Variants in FGD6 observed in about 807,000 individuals in gnomAD.
The protein encoded by FGD6 is FYVE, RhoGEF and PH domain-containing protein 6.
In FGD6, 90 loss-of-function variants were observed where a neutral mutation model predicts 149.4. The observed-to-expected ratio is 0.60, with a 90% confidence interval of 0.51 to 0.72. The LOEUF (loss-of-function observed/expected upper bound fraction) is 0.72, where lower values mean the gene tolerates loss of function less well. Ranked by LOEUF, FGD6 falls within the 30% of genes least tolerant of loss-of-function variation. FGD6 has a pLI of 0.00. For missense variants in FGD6, 1,437 were observed against 1,684.8 expected (o/e 0.85, Z 2.57); for synonymous variants, 527 against 584.0 (o/e 0.90, Z 1.41).
At chr12:95,088,106 G>T (rs1311471622) in intron 18 of FGD6, among the ~76,000 whole-genome samples, 1 of 152,124 alleles carries the variant, frequency 6.6e-6, no homozygotes, top group Non-Finnish European at 1.5e-5. Flanking sequence ...CACACAAGAA[G>T]ATCAACCATA....
At chr12:95,090,088 A>G (rs997034116) in intron 17 of FGD6, among the ~76,000 whole-genome samples, 1 of 152,116 alleles carries the variant, frequency 6.6e-6, no homozygotes, top group Non-Finnish European at 1.5e-5. Flanking sequence ...GGGCTATCGG[A>G]CACGGATGAA....
chr12:95,092,151 A>C (rs987361013), intron 16 of FGD6, among the ~76,000 whole-genome samples: 1 of 152,220 alleles, frequency 6.6e-6, no homozygotes, highest in Non-Finnish European at 1.5e-5. Flanking sequence ...TCATCATCAT[A>C]ATCACTGCTG....
Position 95,217,319 on chromosome 12 carries a change from G to A in FGD6, c.-79C>T, listed in dbSNP as rs2056839535. On this transcript the variant is annotated 5_prime_UTR_variant, in exon 1 of 21. Coordinates refer to ENST00000343958, the MANE Select transcript of FGD6 (RefSeq NM_018351.4). The stretch of plus-strand genomic sequence containing the variant: ...TTCAGTCCATTGTTCCCACAGTTCG[G>A]GTAGGAGAGAAAAGCCCCCGCAGCG... 1 of 1,508,900 alleles carries A rather than the reference G, an allele frequency of 6.6e-7. No individual in the cohort carries two copies. Among genetic ancestry groups the A allele is most frequent in the Non-Finnish European group, 8.9e-7 (1 of 1,121,576 alleles). 93.5% of individuals were successfully genotyped at this position (1,508,900 alleles called of 1,614,324 possible). A position where few individuals can be genotyped will look rare whatever the true frequency, so the allele number is the denominator to read the frequency against.
At chr12:95,116,691 C>G (rs1025214950) in intron 8 of FGD6, 12 of 379,814 alleles carry the variant, frequency 3.2e-5, no homozygotes, top group Non-Finnish European at 6.3e-5. Flanking sequence ...GGTTTACCCT[C>G]CTTGCCAATT....
intron 5 of FGD6, among the ~76,000 whole-genome samples, chr12:95,142,564 C>T (rs573795860): frequency 1.3e-5 from 2 of 152,328 alleles, no homozygotes; most frequent in African/African-American, 2.4e-5. Flanking sequence ...AGGCATGAGC[C>T]ACCGTGCCTG....
At chr12:95,139,234 G>C (rs986326995) in intron 6 of FGD6, among the ~76,000 whole-genome samples, 5 of 152,074 alleles carry the variant, frequency 3.3e-5, no homozygotes, top group African/African-American at 1.2e-4. Flanking sequence ...GAGCCCAGGA[G>C]CACAAGACCA....
chr12:95,189,653 G>T (rs1177941184), intron 2 of FGD6: 1 of 124,098 alleles, frequency 8.1e-6, no homozygotes, highest in Non-Finnish European at 1.7e-5. Flanking sequence ...TGTTTCATAG[G>T]AAAAAAAAAA....
chr12:95,107,435 G>A (rs1878666409), intron 12 of FGD6, 128 bp downstream of exon 12: 10 of 755,154 alleles, frequency 1.3e-5, no homozygotes, highest in South Asian at 7.0e-5. Context: ...TAAGTGGTAC[G>A]GCCAGTTCAA....
chr12:95,148,726 T>A (rs1397373453), intron 5 of FGD6, among the ~76,000 whole-genome samples: 1 of 85,688 alleles, frequency 1.2e-5, no homozygotes, highest in Non-Finnish European at 2.0e-5. Context: ...TATGTTATAT[T>A]ACATATATTA....
chr12:95,087,015 T>G (rs1355127161), intron 18 of FGD6, among the ~76,000 whole-genome samples: 1 of 151,656 alleles, frequency 6.6e-6, no homozygotes, highest in Admixed American at 6.6e-5. Context: ...GTCCAGCTAA[T>G]TTTTGTATTT....
chr12:95,102,975 C>T (rs1425403661), intron 14 of FGD6, among the ~76,000 whole-genome samples: 1 of 152,122 alleles, frequency 6.6e-6, no homozygotes, highest in African/African-American at 2.4e-5. Context: ...GAAACATGAG[C>T]ACTGTGACTG....
chr12:95,203,708 A>T (rs1240957511), intron 2 of FGD6, among the ~76,000 whole-genome samples: 1 of 152,196 alleles, frequency 6.6e-6, no homozygotes, highest in African/African-American at 2.4e-5. Flanking sequence ...AGGGTTTGCT[A>T]AGTTGCCTAG....
chr12:95,205,267 C>CA (rs398055845), intron 2 of FGD6, among the ~76,000 whole-genome samples: 66,612 of 142,304 alleles, frequency 0.47, 15,111 homozygotes, highest in East Asian at 0.58. Context: ...GACTCTGTCT[C>CA]AAAAAAAAAA....
chr12:95,167,773 C>T (rs888376425), intron 3 of FGD6, among the ~76,000 whole-genome samples: 3 of 151,990 alleles, frequency 2.0e-5, no homozygotes, highest in African/African-American at 4.8e-5. Context: ...TGGGATTTCA[C>T]CATGTTGGCC....
At chr12:95,217,003 A>G (rs1191188507) in intron 1 of FGD6, among the ~76,000 whole-genome samples, 1 of 152,192 alleles carries the variant, frequency 6.6e-6, no homozygotes, top group Non-Finnish European at 1.5e-5. Context: ...TCCCCCTTGG[A>G]AGGGAGATCC....
chr12:95,129,311 G>GCATGCATC (rs1879446972), intron 8 of FGD6, among the ~76,000 whole-genome samples: 1 of 105,358 alleles, frequency 9.5e-6, no homozygotes, highest in Non-Finnish European at 2.0e-5. Context: ...ATGCATGCAT[G>GCATGCATC]CATCCATCCA....
At position 95,186,225 on chromosome 12, in the gene FGD6, C is replaced by CTTTTTTTTTTTTTTTTTTTT. The variant is rs1881428152; in HGVS notation, c.2442-13482_2442-13481insAAAAAAAAAAAAAAAAAAAA. 8.4e-5 allele frequency among the ~76,000 whole-genome samples: 6 copies of CTTTTTTTTTTTTTTTTTTTT among 71,186 alleles called. 3 individuals are homozygous for CTTTTTTTTTTTTTTTTTTTT. The East Asian group carries it at 1.9e-3, about 23-fold the overall frequency. 46.7% of individuals were successfully genotyped at this position (71,186 alleles called of 152,430 possible). On this transcript the variant is annotated intron_variant, in intron 2 of 20. Coordinates refer to ENST00000343958, the MANE Select transcript of FGD6 (RefSeq NM_018351.4). ...AGCTAAGAATGCTTCTTATATTCTT[C>CTTTTTTTTTTTTTTTTTTTT]TTCTTTTTTTTTTTTTTTTTTTTTT...
intron 2 of FGD6, among the ~76,000 whole-genome samples, chr12:95,175,799 C>CAAAAAAAAAAAAAAAAAAAAAAA (rs61051041): frequency 2.6e-5 from 1 of 38,912 alleles, no homozygotes; most frequent in Admixed American, 3.1e-4. Context: ...GACTCTGTCT[C>CAAAAAAAAAAAAAAAAAAAAAAA]AAAAAAAAAA....
chr12:95,156,421 C>G (rs182993782), intron 3 of FGD6, among the ~76,000 whole-genome samples: 1 of 152,190 alleles, frequency 6.6e-6, no homozygotes, highest in African/African-American at 2.4e-5. Flanking sequence ...TCTCCCATAG[C>G]GCTCCCAGGC....
Sources: gnomAD v4.1 joint callset for allele counts (sites outside exome capture counted in the v4.1 genomes callset) on GRCh38, gnomAD v4.1.1 for gene constraint, MANE v1.5 for transcripts, NCBI Gene and HGNC (gene_info 2026-07-23, HGNC 2026-07-21) for gene names.